Variants in CTDP1 observed in about 807,000 individuals in gnomAD.
CTDP1 encodes the protein RNA polymerase II subunit A C-terminal domain phosphatase.
A neutral mutation model predicts 91.8 loss-of-function variants in CTDP1; 47 were observed. The observed-to-expected ratio is 0.51, with a 90% confidence interval of 0.41 to 0.65. The LOEUF is 0.65. Among genes scored for constraint, CTDP1 ranks in the 30% least tolerant of loss-of-function variants. CTDP1 has a pLI of 0.00. For missense variants in CTDP1, 1,272 were observed against 1,373.7 expected (o/e 0.93, Z 1.17); for synonymous variants, 656 against 598.5 (o/e 1.10, Z -1.40).
Position 79,752,455 on chromosome 18 carries a change from TG to T in CTDP1, c.2748-1195del, listed in dbSNP as rs1568224808. 1.4e-4 allele frequency among the ~76,000 whole-genome samples: 7 copies of T among 50,080 alleles called. 1 individual carries two copies. In the South Asian group the frequency reaches 7.5e-3, roughly 54 times the overall value. The allele number at this position is 50,080 out of a possible 152,430, so 32.9% of individuals were successfully genotyped here. On this transcript the variant is annotated intron_variant, in intron 12 of 12. Coordinates refer to ENST00000613122, the MANE Select transcript of CTDP1 (RefSeq NM_004715.5). ...GTAAGGAAAGCCTAGTGGCACCCGCTGGTTATGCAGAGGCTCCTAAGGAAAG... is the reference window on the plus strand; with the variant it reads ...GTAAGGAAAGCCTAGTGGCACCCGCTGTTATGCAGAGGCTCCTAAGGAAAG...
chr18:79,735,123 A>C (rs1487736000), intron 11 of CTDP1, among the ~76,000 whole-genome samples: 1 of 151,720 alleles, frequency 6.6e-6, no homozygotes, highest in Non-Finnish European at 1.5e-5. Flanking sequence ...GCGGCTTCAC[A>C]CCGAGTCTCT....
intron 1 of CTDP1, among the ~76,000 whole-genome samples, chr18:79,692,702 G>A (rs2085650444): frequency 6.6e-6 from 1 of 152,090 alleles, no homozygotes; most frequent in Non-Finnish European, 1.5e-5. Context: ...GCCGTGAGCT[G>A]GTGTCCTGCG....
At chr18:79,744,987 A>G (rs56027145) in intron 12 of CTDP1, among the ~76,000 whole-genome samples, 74,351 of 152,058 alleles carry the variant, frequency 0.49, 18,317 homozygotes, top group East Asian at 0.58. Context: ...TGTCCATCCC[A>G]GAACAGCCCC....
At chr18:79,751,366 G>C (rs371995121) in intron 12 of CTDP1, among the ~76,000 whole-genome samples, 10 of 152,168 alleles carry the variant, frequency 6.6e-5, no homozygotes, top group South Asian at 2.1e-4. Flanking sequence ...AGGAGGGAGC[G>C]GGGGAGGGGC....
chr18:79,742,313 G>A (rs141067248), intron 12 of CTDP1, among the ~76,000 whole-genome samples: 14 of 151,584 alleles, frequency 9.2e-5, no homozygotes, highest in Non-Finnish European at 1.8e-4. Context: ...AGCAGAGGAG[G>A]CATGAGGCGT....
intron 1 of CTDP1, among the ~76,000 whole-genome samples, chr18:79,693,423 C>G (rs2085664269): frequency 6.6e-6 from 1 of 152,088 alleles, no homozygotes; most frequent in Non-Finnish European, 1.5e-5. Context: ...CAAGGTGTCA[C>G]TATTTTGTTG....
chr18:79,692,743 G>T (rs573846297), intron 1 of CTDP1, among the ~76,000 whole-genome samples: 1 of 152,120 alleles, frequency 6.6e-6, no homozygotes, highest in Non-Finnish European at 1.5e-5. Flanking sequence ...GGAACCCGCC[G>T]TGAGCTGGTG....
At chr18:79,732,974 C>G (rs190406803) in intron 11 of CTDP1, among the ~76,000 whole-genome samples, 1 of 152,232 alleles carries the variant, frequency 6.6e-6, no homozygotes, top group Non-Finnish European at 1.5e-5. Context: ...TGTGAGAACT[C>G]GCTAACGTGG....
At position 79,713,765 on chromosome 18, in the gene CTDP1, T is replaced by C. The variant is rs1296387609; in HGVS notation, c.1030+627T>C. Among the ~76,000 whole-genome samples the C allele has an allele frequency of 6.6e-6, 1 of 152,084 alleles. No homozygotes were observed. The highest frequency in any genetic ancestry group is 1.5e-5 in the Non-Finnish European group (1 of 68,020). ...GTAGAAGGTAGAGACTTTCACCAGATGGGTGGGGTCAGCGTGGAGTTGCTG... is the reference window on the plus strand; with the variant it reads ...GTAGAAGGTAGAGACTTTCACCAGACGGGTGGGGTCAGCGTGGAGTTGCTG... On this transcript the variant is annotated intron_variant, in intron 7 of 12. Transcript: ENST00000613122. This position sits in a 1 kb window ranked among gnomAD's most constrained non-coding sequence, Gnocchi z 4.7.
chr18:79,693,994 C>T (rs540346017), intron 1 of CTDP1, among the ~76,000 whole-genome samples: 4 of 152,354 alleles, frequency 2.6e-5, no homozygotes, highest in African/African-American at 7.2e-5. Context: ...GCCTTGTTTC[C>T]GCCTGTGGCC....
chr18:79,709,049 A>G lies in CTDP1; in HGVS notation c.773-1297A>G, dbSNP rs1387649578. On this transcript the variant is annotated intron_variant, in intron 5 of 12. Coordinates refer to ENST00000613122, the MANE Select transcript of CTDP1 (RefSeq NM_004715.5). ...CACTTGTATGATGAGTAGCTGAAACATTTCTTTTTGAGGCTTCATAATTAA... is the reference window on the plus strand; with the variant it reads ...CACTTGTATGATGAGTAGCTGAAACGTTTCTTTTTGAGGCTTCATAATTAA... 2.6e-5 allele frequency among the ~76,000 whole-genome samples: 4 copies of G among 152,342 alleles called. No homozygotes were observed. In the East Asian group the frequency reaches 7.7e-4, roughly 29 times the overall value.
rs2085784023 is a variant in CTDP1 at position 79,698,062 on chromosome 18, C to A, written c.621+74C>A. ...TAGAATTTTGATTCAGAAGTGTGTT[C>A]TCTTGTTTTTTAGATGATTTCCCGT... On this transcript the variant is annotated intron_variant, in intron 4 of 12. Transcript: ENST00000613122. 3.8e-6 allele frequency: 6 copies of A among 1,585,360 alleles called. No individual in the cohort carries two copies. In the African/African-American group the frequency reaches 6.7e-5, roughly 18 times the overall value.
intron 1 of CTDP1, among the ~76,000 whole-genome samples, chr18:79,692,338 G>A (rs1380818415): frequency 6.6e-6 from 1 of 152,132 alleles, no homozygotes; most frequent in Non-Finnish European, 1.5e-5. Flanking sequence ...ATACCTTTGA[G>A]TCTTTCTGGA....
intron 1 of CTDP1, among the ~76,000 whole-genome samples, chr18:79,691,376 A>C (rs1432769588): frequency 6.6e-6 from 1 of 152,216 alleles, no homozygotes; most frequent in African/African-American, 2.4e-5. Context: ...GCTTGCTACC[A>C]GCCCTTCCTT....
At chr18:79,722,530 C>CG (rs759193116) in intron 10 of CTDP1, among the ~76,000 whole-genome samples, 2 of 152,126 alleles carry the variant, frequency 1.3e-5, no homozygotes, top group Non-Finnish European at 2.9e-5. Flanking sequence ...TGTTAGGTTG[C>CG]GATAATCGTC....
intron 1 of CTDP1, chr18:79,680,906 A>C (rs924703770): frequency 1.3e-5 from 2 of 152,300 alleles, no homozygotes; most frequent in African/African-American, 2.4e-5. Context: ...CGAAGTGTCC[A>C]GCCATGTTTG....
At chr18:79,722,969 G>A (rs754232955) in intron 10 of CTDP1, among the ~76,000 whole-genome samples, 3 of 152,270 alleles carry the variant, frequency 2.0e-5, no homozygotes, top group Non-Finnish European at 4.4e-5. Context: ...TAATCCAAGA[G>A]TCCCCCCTGC....
Position 79,680,134 on chromosome 18 carries a change from G to A in CTDP1, c.187G>A (p.Ala63Thr), listed in dbSNP as rs1396868995. ...EAAASAQSSG[A>T]SQSRVASGGC... The stretch of plus-strand genomic sequence containing the variant: ...CGCCGCCTCCGCGCAGTCCTCCGGG[G>A]CCTCTCAGTCCCGTGTAGCCTCCGG... The change falls in exon 1 of 13, where the codon GCC (alanine) becomes ACC (threonine). Residue 63 changes from alanine to threonine, a missense_variant. Ala to Thr is a moderately conservative substitution (Grantham distance 58). This residue lies in a region of CTDP1 where 214 missense variants were observed against 179.1 expected (regional missense o/e 1.19). Coordinates refer to ENST00000613122, the MANE Select transcript of CTDP1 (RefSeq NM_004715.5). 1 of 1,432,344 alleles carries A rather than the reference G, an allele frequency of 7.0e-7. No homozygotes were observed. The highest frequency in any genetic ancestry group is 9.1e-7 in the Non-Finnish European group (1 of 1,094,942). The allele number at this position is 1,432,344 out of a possible 1,614,324, so 88.7% of individuals were successfully genotyped here.
At chr18:79,742,040 C>T (rs1435337742) in intron 12 of CTDP1, among the ~76,000 whole-genome samples, 2 of 152,270 alleles carry the variant, frequency 1.3e-5, no homozygotes, top group African/African-American at 4.8e-5. Flanking sequence ...ATGCCGGGAG[C>T]AGGGCTGGGG....
Sources: allele counts gnomAD v4.1 joint callset (sites outside exome capture counted in the v4.1 genomes callset), GRCh38; gene constraint gnomAD v4.1.1; regional missense constraint gnomAD v4.1.1; non-coding constraint Gnocchi (gnomAD v3.1); transcripts MANE v1.5; gene names NCBI Gene and HGNC (gene_info 2026-07-23, HGNC 2026-07-21).